The following SHISA9 variants were observed in gnomAD, a reference collection of about 807,000 sequenced individuals.
The protein encoded by SHISA9 is shisa family member 9, also known as protein shisa-9.
A neutral mutation model predicts 38.0 loss-of-function variants in SHISA9; 13 were observed. The ratio of observed to expected loss-of-function variants is 0.34; its 90% CI spans 0.22 to 0.54. The LOEUF (loss-of-function observed/expected upper bound fraction) is 0.54, where lower values mean the gene tolerates loss of function less well. SHISA9 is among the 20% of genes least tolerant of loss of function. SHISA9 has a pLI of 0.91. For synonymous variants in SHISA9, 275 were observed against 242.0 expected, an observed-to-expected ratio of 1.14 and a Z score of -1.27; for missense variants, 538 against 575.8, an observed-to-expected ratio of 0.93 and a Z score of 0.67.
the SHISA9 span, among the ~76,000 whole-genome samples, chr16:13,550,031 A>AT: frequency 1.3e-5 from 2 of 151,680 alleles, no homozygotes; most frequent in African/African-American, 2.4e-5. Flanking sequence ...TCAAAAAAAA[A>AT]AAAAATAAAG....
At position 12,970,425 on chromosome 16, in the gene SHISA9, A is replaced by G. The variant is rs1482722908; in HGVS notation, c.691+53610A>G. Among the ~76,000 whole-genome samples the G allele has an allele frequency of 1.9e-3, 122 of 63,834 alleles. 4 individuals carry two copies. The highest frequency in any genetic ancestry group is 2.8e-3 in the Non-Finnish European group (91 of 32,822). 41.9% of individuals were successfully genotyped at this position (63,834 alleles called of 152,430 possible). A position where few individuals can be genotyped will look rare whatever the true frequency, so the allele number is the denominator to read the frequency against. On this transcript the variant is annotated intron_variant, in intron 2 of 4. Transcript: ENST00000558583. The stretch of plus-strand genomic sequence containing the variant: ...TATACATATATATATATACACATAT[A>G]TGTATATATATATACACACATATAT...
At chr16:13,341,786 C>T in the SHISA9 span, among the ~76,000 whole-genome samples, 1 of 152,174 alleles carries the variant, frequency 6.6e-6, no homozygotes, top group Non-Finnish European at 1.5e-5. Context: ...TTGATAACAA[C>T]ATGTAAGGAT....
At chr16:13,267,967 T>C in the SHISA9 span, among the ~76,000 whole-genome samples, 2 of 151,386 alleles carry the variant, frequency 1.3e-5, no homozygotes, top group Non-Finnish European at 2.9e-5. Flanking sequence ...AAAGGATTCC[T>C]CCAGGAAAAC....
chr16:13,261,038 G>C, the SHISA9 span, among the ~76,000 whole-genome samples: 2 of 152,100 alleles, frequency 1.3e-5, no homozygotes, highest in African/African-American at 4.8e-5. Context: ...ACTATCACAA[G>C]AATAGCAAGG....
intron 3 of SHISA9, among the ~76,000 whole-genome samples, chr16:13,209,138 G>T (rs962646634): frequency 2.0e-5 from 3 of 152,164 alleles, no homozygotes; most frequent in African/African-American, 7.2e-5. Flanking sequence ...ATGATATAGT[G>T]TAGGTAAAGT....
the SHISA9 span, among the ~76,000 whole-genome samples, chr16:13,550,022 CAA>C: frequency 4.5e-5 from 6 of 133,428 alleles, no homozygotes; most frequent in African/African-American, 1.1e-4. Flanking sequence ...GACTGTGTCT[CAA>C]AAAAAAAAAA....
the SHISA9 span, among the ~76,000 whole-genome samples, chr16:13,335,123 G>A: frequency 6.6e-6 from 1 of 152,208 alleles, no homozygotes; most frequent in Non-Finnish European, 1.5e-5. Flanking sequence ...TCATCCATTG[G>A]CTGGTCAAAG....
At position 13,236,669 on chromosome 16, in the gene SHISA9, T is replaced by A. The variant is rs1309201567; in HGVS notation, c.*1260T>A. The A allele has an allele frequency of 6.6e-6, 1 of 152,196 alleles. No homozygotes were observed. The highest frequency in any genetic ancestry group is 1.5e-5 in the Non-Finnish European group (1 of 68,068). 9.4% of individuals were successfully genotyped at this position (152,196 alleles called of 1,614,324 possible). A position where few individuals can be genotyped will look rare whatever the true frequency, so the allele number is the denominator to read the frequency against. ...TCTGCAGTAGTAGAAGATGTTTCCA[T>A]CCTTCCTTTGTAGGTGAGCCCACCC... On this transcript the variant is annotated 3_prime_UTR_variant, in exon 5 of 5. Transcript: ENST00000558583.
the SHISA9 span, among the ~76,000 whole-genome samples, chr16:13,306,044 T>A: frequency 6.6e-6 from 1 of 152,112 alleles, no homozygotes; most frequent in Non-Finnish European, 1.5e-5. Flanking sequence ...GTGTGCAAGG[T>A]ACAGAGGTGG....
intron 2 of SHISA9, among the ~76,000 whole-genome samples, chr16:13,114,944 C>T (rs1031805816): frequency 1.1e-4 from 14 of 129,326 alleles, no homozygotes; most frequent in Admixed American, 5.7e-4. Flanking sequence ...CCATCCTTCT[C>T]TCTCTCCCTG....
intron 4 of SHISA9, among the ~76,000 whole-genome samples, chr16:13,214,888 G>A (rs139703434): frequency 6.6e-5 from 10 of 152,194 alleles, no homozygotes; most frequent in East Asian, 3.9e-4. Flanking sequence ...GGAATTGTGC[G>A]AGTTGCAATT....
chr16:13,165,466 C>T (rs2050627416), intron 2 of SHISA9, among the ~76,000 whole-genome samples: 1 of 152,096 alleles, frequency 6.6e-6, no homozygotes, highest in African/African-American at 2.4e-5. Context: ...TGATCTTAGA[C>T]CTGGATTTAT....
At chr16:13,550,800 T>C in the SHISA9 span, among the ~76,000 whole-genome samples, 1 of 152,204 alleles carries the variant, frequency 6.6e-6, no homozygotes, top group African/African-American at 2.4e-5. Context: ...CCAACTTGAT[T>C]TGTGGGAAGA....
At chr16:13,472,377 ATTTTTTTTTTTTTTTTTTTTT>A in the SHISA9 span, among the ~76,000 whole-genome samples, 2 of 55,472 alleles carry the variant, frequency 3.6e-5, no homozygotes, top group Admixed American at 3.2e-4. Context: ...GCTCTGCTAA[ATTTTTTTTTTTTTTTTTTTTT>A]TTTTTTTTTT....
At chr16:13,455,441 C>T in the SHISA9 span, among the ~76,000 whole-genome samples, 2 of 152,102 alleles carry the variant, frequency 1.3e-5, no homozygotes, top group East Asian at 3.8e-4. Flanking sequence ...TATGTAGAAA[C>T]CAGTAAAAAG....
chr16:13,486,860 G>A, the SHISA9 span, among the ~76,000 whole-genome samples: 15 of 152,082 alleles, frequency 9.9e-5, no homozygotes, highest in East Asian at 2.1e-3. Flanking sequence ...ATGCGCCACC[G>A]CACCCAGCTA....
the SHISA9 span, among the ~76,000 whole-genome samples, chr16:13,561,622 G>T: frequency 6.6e-6 from 1 of 152,220 alleles, no homozygotes; most frequent in Admixed American, 6.5e-5. Context: ...GAATAGCGAG[G>T]TGTGGGGAGC....
intron 2 of SHISA9, among the ~76,000 whole-genome samples, chr16:12,935,667 G>C: frequency 6.6e-6 from 1 of 152,016 alleles, no homozygotes; most frequent in Non-Finnish European, 1.5e-5. Flanking sequence ...GGGCAACACA[G>C]TGAAACCCCA....
At chr16:13,271,455 T>G in the SHISA9 span, among the ~76,000 whole-genome samples, 1 of 152,144 alleles carries the variant, frequency 6.6e-6, no homozygotes, top group Non-Finnish European at 1.5e-5. Flanking sequence ...TTATGACCAG[T>G]GCTGTTATGA....
Sources: gnomAD v4.1 joint callset for allele counts (sites outside exome capture counted in the v4.1 genomes callset) on GRCh38, gnomAD v4.1.1 for gene constraint, MANE v1.5 for transcripts, NCBI Gene and HGNC (gene_info 2026-07-23, HGNC 2026-07-21) for gene names.